EBF1: variants seen among roughly 807,000 people sequenced by gnomAD.
The protein encoded by EBF1 is EBF transcription factor 1.
Under a neutral mutation model 68.4 loss-of-function variants are expected in EBF1, and 10 were observed. The ratio of observed to expected loss-of-function variants is 0.15; its 90% CI spans 0.09 to 0.25. The LOEUF is 0.25. Among genes scored for constraint, EBF1 ranks in the 10% least tolerant of loss-of-function variants. EBF1 has a pLI of 1.00. For missense variants in EBF1, 509 were observed against 794.4 expected, an observed-to-expected ratio of 0.64 and a Z score of 4.32; for synonymous variants, 298 against 299.8, an observed-to-expected ratio of 0.99 and a Z score of 0.06.
chr5:159,037,983 C>T (rs774635579), intron 6 of EBF1, among the ~76,000 whole-genome samples: 13 of 152,098 alleles, frequency 8.5e-5, no homozygotes, highest in Admixed American at 2.6e-4. Context: ...TACCTAGGTT[C>T]GTGTGCAGTG....
intron 6 of EBF1, among the ~76,000 whole-genome samples, chr5:158,926,301 C>T (rs1434499749): frequency 6.6e-6 from 1 of 152,170 alleles, no homozygotes; most frequent in African/African-American, 2.4e-5. Context: ...AATGCATCCC[C>T]TGTGATGTCA....
intron 6 of EBF1, among the ~76,000 whole-genome samples, chr5:158,981,719 A>G (rs1488419237): frequency 6.6e-6 from 1 of 152,174 alleles, no homozygotes; most frequent in Non-Finnish European, 1.5e-5. Context: ...GGTTGTGCAC[A>G]TGATATAATC....
intron 1 of EBF1, among the ~76,000 whole-genome samples, chr5:159,099,037 A>C (rs564272894): frequency 2.0e-5 from 3 of 152,308 alleles, no homozygotes; most frequent in Non-Finnish European, 4.4e-5. Context: ...TAAAACACAG[A>C]TCTCCAACAT....
intron 6 of EBF1, among the ~76,000 whole-genome samples, chr5:158,970,267 C>T (rs1347383706): frequency 6.6e-6 from 1 of 152,152 alleles, no homozygotes; most frequent in Non-Finnish European, 1.5e-5. Context: ...CATAAACCAC[C>T]GGTTTCATAG....
intron 10 of EBF1, among the ~76,000 whole-genome samples, chr5:158,740,427 G>T (rs918218330): frequency 6.6e-6 from 1 of 152,142 alleles, no homozygotes; most frequent in Non-Finnish European, 1.5e-5. Flanking sequence ...CAGAAGAGTT[G>T]TAATGAAATT....
At chr5:158,884,841 T>C (rs1193020173) in intron 6 of EBF1, among the ~76,000 whole-genome samples, 1 of 152,196 alleles carries the variant, frequency 6.6e-6, no homozygotes, top group Non-Finnish European at 1.5e-5. Context: ...GTAGGTAGTA[T>C]TATCCATAAT....
chr5:158,721,420 A>G (rs138736630), intron 11 of EBF1, among the ~76,000 whole-genome samples: 1 of 152,270 alleles, frequency 6.6e-6, no homozygotes, highest in African/African-American at 2.4e-5. Context: ...TATTGCCACA[A>G]TGGAAAAAAA....
Position 158,699,311 on chromosome 5 carries a change from A to G in EBF1, c.1745-169T>C, listed in dbSNP as rs951930526. 2.6e-5 allele frequency among the ~76,000 whole-genome samples: 4 copies of G among 152,164 alleles called. No individual in the cohort carries two copies. In the South Asian group the frequency reaches 8.3e-4, roughly 31 times the overall value. ...GGAATGAATTTTCGTTATAAAATATACATGTGCTTTATTAAAAATTATAAT... is the reference window on the plus strand; with the variant it reads ...GGAATGAATTTTCGTTATAAAATATGCATGTGCTTTATTAAAAATTATAAT... On this transcript the variant is annotated intron_variant, in intron 15 of 15. Transcript: ENST00000313708.
At chr5:158,729,708 G>C (rs2127541699) in intron 11 of EBF1, among the ~76,000 whole-genome samples, 1 of 152,322 alleles carries the variant, frequency 6.6e-6, no homozygotes, top group East Asian at 1.9e-4. Flanking sequence ...AAAGGAAAGG[G>C]AAGGACAGCA....
intron 10 of EBF1, among the ~76,000 whole-genome samples, chr5:158,753,815 C>T (rs2127596630): frequency 6.6e-6 from 1 of 152,172 alleles, no homozygotes; most frequent in East Asian, 1.9e-4. Flanking sequence ...TCTCAAATTT[C>T]TACTTCCAAA....
At chr5:158,841,314 T>C (rs1031311167) in intron 6 of EBF1, among the ~76,000 whole-genome samples, 2 of 152,200 alleles carry the variant, frequency 1.3e-5, no homozygotes, top group Non-Finnish European at 2.9e-5. Flanking sequence ...AAGTGTCATA[T>C]TGGGGCATTC....
chr5:158,713,227 G>A (rs1042404596), intron 12 of EBF1, 80 bp from the exon 13 acceptor site: 49 of 1,225,758 alleles, frequency 4.0e-5, no homozygotes, highest in Admixed American at 2.4e-4. Context: ...GCCAGGTACC[G>A]TGCTCAGGGT....
rs181597902 is a variant in EBF1 at position 158,982,127 on chromosome 5, C to T, written c.554+91269G>A. Among the ~76,000 whole-genome samples the T allele has an allele frequency of 2.1e-3, 326 of 152,264 alleles. 1 individual carries two copies. The highest frequency in any genetic ancestry group is 7.4e-3 in the African/African-American group (308 of 41,548). On this transcript the variant is annotated intron_variant, in intron 6 of 15. Transcript: ENST00000313708. ...TTACAATGGCCTAGACCAAACTACACGCTAATTGAAACTCTGTAAAAAAGG... is the reference window on the plus strand; with the variant it reads ...TTACAATGGCCTAGACCAAACTACATGCTAATTGAAACTCTGTAAAAAAGG...
At chr5:158,825,761 T>C (rs1167209723) in intron 7 of EBF1, among the ~76,000 whole-genome samples, 2 of 152,174 alleles carry the variant, frequency 1.3e-5, no homozygotes, top group African/African-American at 4.8e-5. Context: ...AGAGAATCTT[T>C]ATACTTTTAA....
intron 6 of EBF1, among the ~76,000 whole-genome samples, chr5:158,883,191 T>C (rs541062256): frequency 6.6e-6 from 1 of 152,304 alleles, no homozygotes; most frequent in African/African-American, 2.4e-5. Flanking sequence ...TCTGTGTGTA[T>C]ATACATGTAT....
chr5:159,060,917 G>A (rs1318697339), intron 6 of EBF1, among the ~76,000 whole-genome samples: 1 of 143,046 alleles, frequency 7.0e-6, no homozygotes, highest in African/African-American at 2.6e-5. Flanking sequence ...TAGATTTAGA[G>A]AGGGTTAAAG....
intron 1 of EBF1, 85 bp downstream of exon 1, chr5:159,099,260 G>A: frequency 1.8e-5 from 18 of 1,012,510 alleles, no homozygotes; most frequent in Non-Finnish European, 2.2e-5. Flanking sequence ...CCCCGCGGCA[G>A]CAGCTGCCGC....
At chr5:159,027,400 T>G (rs999273558) in intron 6 of EBF1, among the ~76,000 whole-genome samples, 1 of 152,148 alleles carries the variant, frequency 6.6e-6, no homozygotes, top group Non-Finnish European at 1.5e-5. Context: ...CCACTGTTCA[T>G]CCCCAGACCA....
intron 6 of EBF1, among the ~76,000 whole-genome samples, chr5:158,867,386 T>C (rs1796115413): frequency 6.6e-6 from 1 of 152,200 alleles, no homozygotes; most frequent in African/African-American, 2.4e-5. Flanking sequence ...GTAATTTGGG[T>C]GTAACTTTAC....
Sources: allele counts gnomAD v4.1 joint callset (sites outside exome capture counted in the v4.1 genomes callset), GRCh38; gene constraint gnomAD v4.1.1; transcripts MANE v1.5; gene names NCBI Gene and HGNC (gene_info 2026-07-23, HGNC 2026-07-21).